The following TK1 variants were observed in gnomAD, a reference collection of about 807,000 sequenced individuals.
TK1 encodes thymidine kinase, cytosolic.
TK1 carries 13 observed loss-of-function variants against 22.4 expected under a neutral mutation model. The ratio of observed to expected loss-of-function variants is 0.58; its 90% CI spans 0.38 to 0.92. TK1 has a LOEUF of 0.92. TK1 is among the 40% of genes least tolerant of loss of function. TK1 has a pLI of 0.00. For synonymous variants in TK1, 134 were observed against 125.4 expected (o/e 1.07, Z -0.46); for missense variants, 251 against 315.7 (o/e 0.80, Z 1.55).
intron 2 of TK1, among the ~76,000 whole-genome samples, chr17:78,186,438 G>A (rs935694466): frequency 1.3e-5 from 2 of 151,984 alleles, no homozygotes; most frequent in Non-Finnish European, 2.9e-5. Flanking sequence ...TGTACAAAAA[G>A]GCCTGGCCTA....
chr17:78,186,707 G>C, intron 2 of TK1, 80 bp downstream of exon 2: 1 of 1,204,148 alleles, frequency 8.3e-7, no homozygotes, highest in Non-Finnish European at 1.1e-6. Flanking sequence ...GGGGAGGGGA[G>C]GGAAGGGGAG....
intron 2 of TK1, among the ~76,000 whole-genome samples, chr17:78,185,532 T>G (rs2075778091): frequency 6.6e-6 from 1 of 152,082 alleles, no homozygotes. Flanking sequence ...AGTTTTTCTT[T>G]CTTTCTTTTT....
At position 78,175,760 on chromosome 17, in the gene TK1, A is replaced by G. The variant is rs562908581; in HGVS notation, c.304-142T>C. On this transcript the variant is annotated intron_variant, in intron 4 of 6. Transcript: ENST00000301634. ...TCTTAATTCTCCCACGAGGCTCCCCAGGCCGGGGGACTGTGTCCACCCGCA... is the reference window on the plus strand; with the variant it reads ...TCTTAATTCTCCCACGAGGCTCCCCGGGCCGGGGGACTGTGTCCACCCGCA... 12 of 677,284 alleles carry G rather than the reference A, an allele frequency of 1.8e-5. No homozygotes were observed. The African/African-American group carries it at 2.2e-4, about 12-fold the overall frequency. 42.0% of individuals were successfully genotyped at this position (677,284 alleles called of 1,614,324 possible).
At chr17:78,175,686 C>A in intron 4 of TK1, 68 bp from the exon 5 acceptor site, 2 of 1,417,318 alleles carry the variant, frequency 1.4e-6, no homozygotes, top group South Asian at 1.2e-5. Flanking sequence ...GGAGCCCCAG[C>A]GAAGACGCTG....
At chr17:78,175,009 C>A (rs768583622) in intron 6 of TK1, 41 bp downstream of exon 6, 14 of 1,610,614 alleles carry the variant, frequency 8.7e-6, no homozygotes, top group Non-Finnish European at 1.0e-5. Flanking sequence ...CAGAGCCATA[C>A]CCCCACCCCG....
intron 4 of TK1, 112 bp from the exon 5 acceptor site, chr17:78,175,730 G>A (rs2075694454): frequency 1.1e-6 from 1 of 942,080 alleles, no homozygotes; most frequent in African/African-American, 1.6e-5. Flanking sequence ...TTGGCCCGGA[G>A]TAACTCTTAA....
At chr17:78,181,291 T>G (rs1483218351) in intron 4 of TK1, among the ~76,000 whole-genome samples, 4 of 151,750 alleles carry the variant, frequency 2.6e-5, no homozygotes, top group Non-Finnish European at 4.4e-5. Flanking sequence ...CTCATGCCTG[T>G]AATTCCAACA....
Position 78,176,131 on chromosome 17 carries a change from C to T in TK1, c.304-513G>A, listed in dbSNP as rs541454045. On this transcript the variant is annotated intron_variant, in intron 4 of 6. Coordinates refer to ENST00000301634, the MANE Select transcript of TK1 (RefSeq NM_003258.5). ...GTGCTCTTGCCTCCCCCGTTTTAAA[C>T]GGGTAATGTGCCTTGAGAAGGGGCG... 1.1e-4 allele frequency among the ~76,000 whole-genome samples: 17 copies of T among 152,286 alleles called. No homozygotes were observed. In the South Asian group the frequency reaches 1.9e-3, roughly 17 times the overall value.
At chr17:78,180,390 G>A (rs1453690188) in intron 4 of TK1, among the ~76,000 whole-genome samples, 1 of 152,188 alleles carries the variant, frequency 6.6e-6, no homozygotes, top group Non-Finnish European at 1.5e-5. Flanking sequence ...AACCCTAAAA[G>A]TACCTAAGAG....
chr17:78,185,309 G>A, intron 2 of TK1, 144 bp from the exon 3 acceptor site: 1 of 633,298 alleles, frequency 1.6e-6, no homozygotes, highest in Non-Finnish European at 2.9e-6. Context: ...GGGCAGAGCA[G>A]GCAGGGTATA....
chr17:78,179,287 G>A (rs189255654), intron 4 of TK1: 281 of 985,452 alleles, frequency 2.9e-4, no homozygotes, highest in Non-Finnish European at 3.2e-4. Context: ...CAGTTTGGGA[G>A]CAAAAGAGAA....
chr17:78,182,385 A>T (rs963519317), intron 4 of TK1, among the ~76,000 whole-genome samples: 1 of 152,114 alleles, frequency 6.6e-6, no homozygotes, highest in African/African-American at 2.4e-5. Context: ...AAAAAAAAAA[A>T]AAAAGTAAAA....
intron 3 of TK1, among the ~76,000 whole-genome samples, chr17:78,182,972 G>T (rs145005089): frequency 2.6e-5 from 4 of 152,228 alleles, no homozygotes; most frequent in African/African-American, 9.6e-5. Flanking sequence ...GGTCTCAAGC[G>T]ATTCTCCCAC....
chr17:78,180,975 C>T (rs1235822660), intron 4 of TK1, among the ~76,000 whole-genome samples: 2 of 152,196 alleles, frequency 1.3e-5, no homozygotes, highest in Non-Finnish European at 2.9e-5. Context: ...CAAGACCAGG[C>T]GTGGTGGCTC....
rs921416643 is a variant in TK1, at chr17:78,174,550, TGA to T, written c.*207_*208del. 5.0e-6 allele frequency: 3 copies of T among 605,866 alleles called. No homozygotes were observed. Among genetic ancestry groups the T allele is most frequent in the Admixed American group, 6.5e-5 (2 of 30,660 alleles). The allele number at this position is 605,866 out of a possible 1,614,324, so 37.5% of individuals were successfully genotyped here. ...CAGCCTGGGCGATCGTCCCAGCAGC[TGA>T]GAGGGAAGCTTTAAGCAGACCAGTG... On this transcript the variant is annotated 3_prime_UTR_variant, in exon 7 of 7. Transcript: ENST00000301634.
At chr17:78,175,679 G>T in intron 4 of TK1, 61 bp from the exon 5 acceptor site, 3 of 1,494,290 alleles carry the variant, frequency 2.0e-6, no homozygotes, top group Non-Finnish European at 2.8e-6. Context: ...GCTCCCTGGA[G>T]CCCCAGCGAA....
chr17:78,174,582 G>T lies in TK1; in HGVS notation c.*177C>A. On this transcript the variant is annotated 3_prime_UTR_variant, in exon 7 of 7. Coordinates refer to ENST00000301634, the MANE Select transcript of TK1 (RefSeq NM_003258.5). ...GAAGCTTTAAGCAGACCAGTGGGTA[G>T]GAGAGGAGGGAGCATGCGGCAGGTG... 1.4e-6 allele frequency: 1 copy of T among 689,764 alleles called. No individual in the cohort carries two copies. Among genetic ancestry groups the T allele is most frequent in the Non-Finnish European group, 2.4e-6 (1 of 419,424 alleles). 42.7% of individuals were successfully genotyped at this position (689,764 alleles called of 1,614,324 possible).
chr17:78,180,938 C>T (rs975882361), intron 4 of TK1, among the ~76,000 whole-genome samples: 3 of 152,162 alleles, frequency 2.0e-5, no homozygotes, highest in Admixed American at 2.0e-4. Flanking sequence ...CAATGACCAG[C>T]GCTGCTACTT....
chr17:78,179,867 C>A, intron 4 of TK1: 1 of 435,868 alleles, frequency 2.3e-6, no homozygotes, highest in Non-Finnish European at 3.0e-6. Flanking sequence ...GTTAGGAGTT[C>A]CAGACCAGCC....
Sources: gnomAD v4.1 joint callset for allele counts (sites outside exome capture counted in the v4.1 genomes callset) on GRCh38, gnomAD v4.1.1 for gene constraint, MANE v1.5 for transcripts, NCBI Gene and HGNC (gene_info 2026-07-23, HGNC 2026-07-21) for gene names.